SUGCT: variants seen among roughly 807,000 people sequenced by gnomAD.
The protein encoded by SUGCT is succinyl-CoA:glutarate-CoA transferase.
In SUGCT, 41 loss-of-function variants were observed where a neutral mutation model predicts 55.0. The ratio of observed to expected loss-of-function variants is 0.74; its 90% confidence interval spans 0.58 to 0.97. SUGCT has a LOEUF of 0.97. Ranked by LOEUF, SUGCT falls within the 50% of genes least tolerant of loss-of-function variation. The probability of loss-of-function intolerance (pLI) is 0.00; values close to 1 mark genes in which losing one functional copy is unlikely to be tolerated. For missense variants in SUGCT, 568 were observed against 547.8 expected, an observed-to-expected ratio of 1.04 and a Z score of -0.37; for synonymous variants, 187 against 200.4, an observed-to-expected ratio of 0.93 and a Z score of 0.56.
chr7:40,860,292 C>T, intron 13 of SUGCT, 24 bp from the exon 14 acceptor site: 1 of 1,613,858 alleles, frequency 6.2e-7, no homozygotes, highest in Non-Finnish European at 8.5e-7. Context: ...TAACAGGCTT[C>T]CTGCTTTCCT....
intron 8 of SUGCT, 40 bp from the exon 9 acceptor site, chr7:40,316,720 T>C: frequency 7.8e-7 from 1 of 1,287,298 alleles, no homozygotes; most frequent in Non-Finnish European, 1.1e-6. Context: ...ATAGATAAAC[T>C]AGCTGTTCTA....
At chr7:40,165,098 G>A (rs570608074) in intron 1 of SUGCT, among the ~76,000 whole-genome samples, 1 of 152,218 alleles carries the variant, frequency 6.6e-6, no homozygotes, top group East Asian at 1.9e-4. Flanking sequence ...TTGAAGAGAG[G>A]CCCATTTTCT....
At chr7:40,631,110 G>T (rs1368762028) in intron 12 of SUGCT, among the ~76,000 whole-genome samples, 1 of 152,084 alleles carries the variant, frequency 6.6e-6, no homozygotes, top group Admixed American at 6.6e-5. Flanking sequence ...CTAACCCTGT[G>T]TTCTAGAATG....
intron 12 of SUGCT, among the ~76,000 whole-genome samples, chr7:40,529,225 C>A (rs1793959849): frequency 6.6e-6 from 1 of 152,190 alleles, no homozygotes; most frequent in South Asian, 2.1e-4. Context: ...TTCCAAATTC[C>A]AGAACCTGGG....
chr7:40,205,664 A>G (rs1786930746), intron 6 of SUGCT, among the ~76,000 whole-genome samples: 1 of 144,192 alleles, frequency 6.9e-6, no homozygotes, highest in Non-Finnish European at 1.5e-5. Context: ...AAAAAAAAAG[A>G]AAAGTGACAA....
intron 12 of SUGCT, among the ~76,000 whole-genome samples, chr7:40,624,135 G>A (rs76616295): frequency 0.025 from 3,845 of 152,186 alleles, 158 homozygotes; most frequent in African/African-American, 0.089. Flanking sequence ...GAAGGAGAAC[G>A]TTGCTTCCCT....
intron 1 of SUGCT, among the ~76,000 whole-genome samples, chr7:40,177,550 C>T (rs553948585): frequency 1.3e-5 from 2 of 152,238 alleles, no homozygotes; most frequent in African/African-American, 4.8e-5. Context: ...ACTCTGATTA[C>T]ATTGCTGCTC....
intron 12 of SUGCT, among the ~76,000 whole-genome samples, chr7:40,656,088 A>G (rs1166117848): frequency 6.6e-6 from 1 of 152,172 alleles, no homozygotes; most frequent in Non-Finnish European, 1.5e-5. Context: ...AATAATCATA[A>G]TATAGATCTC....
chr7:40,304,805 G>C (rs1372686027), intron 8 of SUGCT, among the ~76,000 whole-genome samples: 3 of 150,848 alleles, frequency 2.0e-5, no homozygotes, highest in Non-Finnish European at 4.4e-5. Flanking sequence ...CCTTTTTATG[G>C]CTGAGTAGTA....
chr7:40,148,057 C>A (rs753860496), intron 1 of SUGCT, among the ~76,000 whole-genome samples: 1 of 152,008 alleles, frequency 6.6e-6, no homozygotes, highest in Non-Finnish European at 1.5e-5. Flanking sequence ...TAAACTAACT[C>A]TGATTGGCTA....
At chr7:40,967,616 G>A in the SUGCT span, among the ~76,000 whole-genome samples, 2 of 145,160 alleles carry the variant, frequency 1.4e-5, no homozygotes, top group Non-Finnish European at 3.0e-5. Flanking sequence ...GAAATAAAAT[G>A]CAGTGAATTC....
intron 7 of SUGCT, among the ~76,000 whole-genome samples, chr7:40,249,281 G>A (rs1790141411): frequency 9.2e-6 from 1 of 108,710 alleles, no homozygotes; most frequent in Non-Finnish European, 1.9e-5. Flanking sequence ...AACTGAGTGA[G>A]ACCTTGTCTT....
intron 12 of SUGCT, among the ~76,000 whole-genome samples, chr7:40,699,810 A>G (rs965805504): frequency 6.6e-6 from 1 of 152,212 alleles, no homozygotes; most frequent in African/African-American, 2.4e-5. Flanking sequence ...TGGAGGCTGC[A>G]GTGAGCCACT....
chr7:40,250,920 T>C (rs1450205643), intron 7 of SUGCT, among the ~76,000 whole-genome samples: 5 of 147,084 alleles, frequency 3.4e-5, no homozygotes, highest in Admixed American at 6.9e-5. Flanking sequence ...CACTGCAACC[T>C]CTGCCTCCCG....
chr7:40,224,084 A>G (rs1240843450), intron 6 of SUGCT, among the ~76,000 whole-genome samples: 2 of 152,152 alleles, frequency 1.3e-5, no homozygotes, highest in Non-Finnish European at 2.9e-5. Context: ...ATTATGTTTT[A>G]TATTCCTGTC....
At chr7:40,974,262 G>A in the SUGCT span, among the ~76,000 whole-genome samples, 2 of 152,254 alleles carry the variant, frequency 1.3e-5, no homozygotes, top group African/African-American at 4.8e-5. Context: ...ATTTTAGACT[G>A]AATGTTTATG....
chr7:40,862,426 C>T (rs1340604250), downstream of SUGCT, among the ~76,000 whole-genome samples: 1 of 152,200 alleles, frequency 6.6e-6, no homozygotes, highest in African/African-American at 2.4e-5. Flanking sequence ...GAATATATTT[C>T]AAGTTCAGAT....
At chr7:40,343,726 G>A (rs1431915680) in intron 9 of SUGCT, among the ~76,000 whole-genome samples, 2 of 151,782 alleles carry the variant, frequency 1.3e-5, no homozygotes, top group Non-Finnish European at 2.9e-5. Flanking sequence ...GCGCAATCTC[G>A]GCTCATTGCA....
intron 6 of SUGCT, among the ~76,000 whole-genome samples, chr7:40,201,549 A>G (rs1220711716): frequency 6.6e-6 from 1 of 152,178 alleles, no homozygotes; most frequent in Non-Finnish European, 1.5e-5. Context: ...AACTGTATAG[A>G]CAGTGATCTT....
Sources: gnomAD v4.1 joint callset for allele counts (sites outside exome capture counted in the v4.1 genomes callset) on GRCh38, gnomAD v4.1.1 for gene constraint, MANE v1.5 for transcripts, NCBI Gene and HGNC (gene_info 2026-07-23, HGNC 2026-07-21) for gene names.